DMXL1: variants seen among roughly 807,000 people sequenced by gnomAD.
DMXL1 encodes the protein Dmx like 1.
DMXL1 carries 99 observed loss-of-function variants against 319.2 expected under a neutral mutation model. The observed-to-expected ratio is 0.31, with a 90% CI of 0.26 to 0.37. The LOEUF (loss-of-function observed/expected upper bound fraction) is 0.37. Among genes scored for constraint, DMXL1 ranks in the 10% least tolerant of loss-of-function variants. The pLI, the probability that DMXL1 is intolerant of heterozygous loss-of-function variation, is 1.00. For missense variants in DMXL1, 3,745 were observed against 3,595.6 expected, an observed-to-expected ratio of 1.04 and a Z score of -1.06; for synonymous variants, 1,385 against 1,235.2, an observed-to-expected ratio of 1.12 and a Z score of -2.54.
chr5:119,188,398 A>G (rs937625636), intron 28 of DMXL1, among the ~76,000 whole-genome samples: 3 of 152,230 alleles, frequency 2.0e-5, no homozygotes, highest in Admixed American at 6.5e-5. Flanking sequence ...GGAGACCTCC[A>G]TCTCTTAAAA....
chr5:119,130,715 C>T (rs1041572915), intron 10 of DMXL1, among the ~76,000 whole-genome samples: 8 of 152,084 alleles, frequency 5.3e-5, no homozygotes, highest in African/African-American at 1.9e-4. Context: ...CTGAGTATTC[C>T]ATGTCTAAGA....
At chr5:119,197,617 A>C in intron 31 of DMXL1, 138 bp from the exon 32 acceptor site, 1 of 780,046 alleles carries the variant, frequency 1.3e-6, no homozygotes, top group Non-Finnish European at 2.0e-6. Flanking sequence ...CTTCCCTGCC[A>C]AAGTGTATGT....
At chr5:119,117,812 C>T (rs1194112871) in intron 7 of DMXL1, among the ~76,000 whole-genome samples, 2 of 152,186 alleles carry the variant, frequency 1.3e-5, no homozygotes, top group African/African-American at 4.8e-5. Flanking sequence ...CCCTTCTGTT[C>T]TGCAACTTCT....
chr5:119,078,736 C>G (rs1016602260), intron 1 of DMXL1, among the ~76,000 whole-genome samples: 2 of 152,132 alleles, frequency 1.3e-5, no homozygotes, highest in Non-Finnish European at 2.9e-5. Context: ...ACAGACATGA[C>G]CCACTGCACC....
chr5:119,140,405 A>T (rs540903082), intron 13 of DMXL1, among the ~76,000 whole-genome samples: 2 of 152,306 alleles, frequency 1.3e-5, no homozygotes, highest in South Asian at 4.1e-4. Context: ...AATAAACCCA[A>T]TTAGAAATTA....
At chr5:119,174,089 G>C (rs1295439989) in intron 25 of DMXL1, among the ~76,000 whole-genome samples, 1 of 151,964 alleles carries the variant, frequency 6.6e-6, no homozygotes, top group Non-Finnish European at 1.5e-5. Context: ...TTCTGTTCAG[G>C]TCTTGCCAGT....
chr5:119,178,478 A>G, intron 28 of DMXL1: 1 of 440,022 alleles, frequency 2.3e-6, no homozygotes, highest in Non-Finnish European at 3.0e-6. Flanking sequence ...AATTTATTAA[A>G]TATTTTACTA....
intron 39 of DMXL1, chr5:119,236,611 A>C (rs1000405696): frequency 6.6e-6 from 1 of 151,992 alleles, no homozygotes; most frequent in African/African-American, 2.4e-5. Flanking sequence ...CTATATTGTG[A>C]ATTTTTGAAT....
At position 119,185,587 on chromosome 5, in the gene DMXL1, C is replaced by G. The variant is rs532150408; in HGVS notation, c.7136-4121C>G. Reference sequence around the variant, plus strand: ...GCATGATCCTGGCTCACTGCAACCTCTGCCTCCCAGGTTCAGGTGATTCTT... The same window carrying G: ...GCATGATCCTGGCTCACTGCAACCTGTGCCTCCCAGGTTCAGGTGATTCTT... On this transcript the variant is annotated intron_variant, in intron 28 of 43. Transcript: ENST00000539542. Among the ~76,000 whole-genome samples, 6 of 152,270 alleles carry G rather than the reference C, an allele frequency of 3.9e-5. No homozygotes were observed. In the East Asian group the frequency reaches 1.2e-3, roughly 29 times the overall value.
chr5:119,133,675 C>T lies in DMXL1; in HGVS notation c.1751C>T (p.Ser584Leu). The change falls in exon 12 of 44, where the codon TCA becomes TTA. Residue 584 changes from serine to leucine, a missense_variant. Coordinates refer to ENST00000539542, the MANE Select transcript of DMXL1 (RefSeq NM_001290321.3). Reference protein sequence around the residue: ...SMLISSGHNKSSNSLKLSIFT... With the variant: ...SMLISSGHNKLSNSLKLSIFT... ...CTTATTTCTTCTGGTCACAATAAATCATCTAATAGTTTAAAATTAAGTATT... is the reference window on the plus strand; with the variant it reads ...CTTATTTCTTCTGGTCACAATAAATTATCTAATAGTTTAAAATTAAGTATT... 2 of 1,614,152 alleles carry T rather than the reference C, an allele frequency of 1.2e-6. No individual in the cohort carries two copies. The highest frequency in any genetic ancestry group is 2.7e-5 in the African/African-American group (2 of 75,044).
Position 119,171,057 on chromosome 5 carries a change from G to A in DMXL1, c.6266G>A (p.Arg2089Lys). ...DAEELQSAFG[R>K]NEDEFGLNED... ...GAAGAACTACAGTCTGCATTTGGCA[G>A]AAATGAAGATGAATTTGGATTAAAT... Residue 2089 changes from arginine (R) to lysine (K), a missense_variant, in exon 24 of 44, where the codon AGA becomes AAA. Coordinates refer to ENST00000539542, the MANE Select transcript of DMXL1 (RefSeq NM_001290321.3). The A allele has an allele frequency of 6.2e-7, 1 of 1,613,900 alleles. No homozygotes were observed. Among genetic ancestry groups the A allele is most frequent in the East Asian group, 2.2e-5 (1 of 44,866 alleles).
rs201675305 is a variant in DMXL1, at chr5:119,164,563, C to T, written c.4759C>T (p.Leu1587=). ...TCACTCAGTAGCAGAAGAAGAACTG[C>T]TGAACATGTTGCCAGCCATGCAGAA... ...AFHSVAEEEL[L]NMLPAMQKDD... The change falls in exon 20 of 44, where the codon CTG becomes TTG. Residue 1587 remains leucine, a synonymous_variant. Transcript: ENST00000539542. The T allele has an allele frequency of 1.1e-3, 1,753 of 1,614,114 alleles. 39 individuals carry two copies. In the South Asian group the frequency reaches 0.018, roughly 17 times the overall value.
chr5:119,155,670 G>A (rs1391525922), intron 19 of DMXL1, among the ~76,000 whole-genome samples: 1 of 151,536 alleles, frequency 6.6e-6, no homozygotes, highest in Admixed American at 6.6e-5. Flanking sequence ...CGCCATCTCT[G>A]AAAAAAATTT....
intron 10 of DMXL1, among the ~76,000 whole-genome samples, chr5:119,130,499 C>T (rs146707128): frequency 1.3e-5 from 2 of 152,116 alleles, no homozygotes; most frequent in Admixed American, 6.5e-5. Context: ...TCCGCCACCA[C>T]ACCTGGCTAA....
At chr5:119,111,395 A>G (rs1010855706) in intron 5 of DMXL1, among the ~76,000 whole-genome samples, 3 of 152,214 alleles carry the variant, frequency 2.0e-5, no homozygotes, top group Non-Finnish European at 2.9e-5. Context: ...TTTAAAAAAT[A>G]TGTTGAAATG....
intron 23 of DMXL1, among the ~76,000 whole-genome samples, chr5:119,169,002 A>T (rs1774009783): frequency 6.6e-6 from 1 of 152,058 alleles, no homozygotes; most frequent in Non-Finnish European, 1.5e-5. Flanking sequence ...CCCAAGCTCA[A>T]GCAATCTTCC....
intron 38 of DMXL1, among the ~76,000 whole-genome samples, chr5:119,225,884 T>G (rs1785456792): frequency 6.6e-6 from 1 of 152,142 alleles, no homozygotes; most frequent in African/African-American, 2.4e-5. Context: ...AAGCCTATAG[T>G]GTAAGGAGTC....
At chr5:119,159,410 T>G (rs1439749144) in intron 19 of DMXL1, among the ~76,000 whole-genome samples, 1 of 152,236 alleles carries the variant, frequency 6.6e-6, no homozygotes, top group African/African-American at 2.4e-5. Flanking sequence ...TGGGAAACTT[T>G]GTATTACTGA....
chr5:119,146,426 T>C (rs1768553948), intron 15 of DMXL1, among the ~76,000 whole-genome samples: 1 of 151,972 alleles, frequency 6.6e-6, no homozygotes. Flanking sequence ...GGTTTGGCCA[T>C]TGGATAAATA....
Sources: gnomAD v4.1 joint callset for allele counts (sites outside exome capture counted in the v4.1 genomes callset) on GRCh38, gnomAD v4.1.1 for gene constraint, MANE v1.5 for transcripts, NCBI Gene and HGNC (gene_info 2026-07-23, HGNC 2026-07-21) for gene names.